P2RX5: variants seen among roughly 807,000 people sequenced by gnomAD.
P2RX5 encodes P2X purinoceptor 5.
Under a neutral mutation model 54.1 loss-of-function variants are expected in P2RX5, and 46 were observed. The observed-to-expected ratio is 0.85, with a 90% CI of 0.67 to 1.09. The LOEUF (loss-of-function observed/expected upper bound fraction) is 1.09. P2RX5 is among the 50% of genes least tolerant of loss of function. P2RX5 has a pLI of 0.00. For missense variants in P2RX5, 566 were observed against 549.8 expected, an observed-to-expected ratio of 1.03 and a Z score of -0.29; for synonymous variants, 226 against 226.4, an observed-to-expected ratio of 1.00 and a Z score of 0.02.
intron 11 of P2RX5, chr17:3,676,284 G>A (rs764801790): frequency 5.1e-6 from 5 of 985,380 alleles, no homozygotes; most frequent in Non-Finnish European, 4.8e-6. Context: ...TTTTGACAGG[G>A]GAGACTGGGT....
the P2RX5 span, among the ~76,000 whole-genome samples, chr17:3,705,569 T>C: frequency 1.3e-5 from 2 of 152,122 alleles, no homozygotes. Flanking sequence ...AGAGAATTCA[T>C]TGCTTTCTCC....
intron 10 of P2RX5, among the ~76,000 whole-genome samples, chr17:3,680,154 ATCCGGTG>A (rs2050212127): frequency 2.0e-5 from 2 of 101,520 alleles, no homozygotes; most frequent in African/African-American, 8.1e-5. Context: ...TGAGTCCTCC[ATCCGGTG>A]TCCTCCACCC....
chr17:3,674,189 T>C (rs2050046951), intron 11 of P2RX5, among the ~76,000 whole-genome samples: 1 of 152,074 alleles, frequency 6.6e-6, no homozygotes, highest in Non-Finnish European at 1.5e-5. Context: ...CGAGCGCCTG[T>C]AGTCCCAGCT....
intron 1 of P2RX5, among the ~76,000 whole-genome samples, chr17:3,692,823 G>C (rs2050654789): frequency 6.6e-6 from 1 of 152,044 alleles, no homozygotes; most frequent in South Asian, 2.1e-4. Flanking sequence ...GTGAGACCCA[G>C]CCTCAAAAAC....
chr17:3,715,532 G>A, the P2RX5 span, among the ~76,000 whole-genome samples: 1 of 152,098 alleles, frequency 6.6e-6, no homozygotes, highest in African/African-American at 2.4e-5. Flanking sequence ...GCAGAGGCAC[G>A]AACCTATTTA....
intron 11 of P2RX5, 62 bp from the exon 12 acceptor site, chr17:3,673,939 C>T (rs918061082): frequency 1.4e-6 from 2 of 1,441,200 alleles, no homozygotes; most frequent in Non-Finnish European, 1.9e-6. Context: ...CCCAGTGAGG[C>T]AACCAGTGCC....
At chr17:3,719,234 T>TAAAAAAAAAAAA in the P2RX5 span, among the ~76,000 whole-genome samples, 66 of 34,598 alleles carry the variant, frequency 1.9e-3, 2 homozygotes, top group African/African-American at 7.7e-3. Flanking sequence ...AGATTCTTCC[T>TAAAAAAAAAAAA]CAAAAAAAAA....
At chr17:3,675,762 A>G (rs985429096) in intron 11 of P2RX5, 80 of 750,222 alleles carry the variant, frequency 1.1e-4, no homozygotes, top group Non-Finnish European at 1.3e-4. Flanking sequence ...CATATTGGCC[A>G]GGCTGGTCTC....
chr17:3,723,234 C>T, the P2RX5 span: 34 of 1,159,864 alleles, frequency 2.9e-5, no homozygotes, highest in African/African-American at 4.4e-4. Flanking sequence ...CTTCTAGGGG[C>T]GATGCCCGTG....
the P2RX5 span, chr17:3,714,929 TTAA>T: frequency 6.2e-7 from 1 of 1,602,694 alleles, no homozygotes; most frequent in Non-Finnish European, 8.5e-7. Flanking sequence ...ATATTTTCTT[TTAA>T]AAAAGCCACA....
chr17:3,705,616 G>A, the P2RX5 span, among the ~76,000 whole-genome samples: 1 of 152,114 alleles, frequency 6.6e-6, no homozygotes, highest in Non-Finnish European at 1.5e-5. Flanking sequence ...TGTCAAGCAG[G>A]AAAGGCCTTC....
chr17:3,680,056 A>G (rs2050202768), intron 10 of P2RX5, among the ~76,000 whole-genome samples: 1 of 146,418 alleles, frequency 6.8e-6, no homozygotes, highest in Admixed American at 6.8e-5. Flanking sequence ...TACATCCTCC[A>G]CCCTGCATCC....
chr17:3,707,919 T>G, the P2RX5 span, among the ~76,000 whole-genome samples: 70,997 of 151,566 alleles, frequency 0.47, 17,505 homozygotes, highest in East Asian at 0.65. Flanking sequence ...TTAGTCAGGC[T>G]TGGTGGCGGG....
At chr17:3,691,174 T>G in intron 2 of P2RX5, 147 bp from the exon 3 acceptor site, 1 of 674,584 alleles carries the variant, frequency 1.5e-6, no homozygotes, top group Non-Finnish European at 2.7e-6. Context: ...GCCCATCTGC[T>G]CATGGACCCC....
upstream of P2RX5, among the ~76,000 whole-genome samples, chr17:3,699,352 C>T (rs563110050): frequency 6.6e-6 from 1 of 151,860 alleles, no homozygotes; most frequent in Non-Finnish European, 1.5e-5. Context: ...GCCATTATTG[C>T]ACCACTGCAC....
intron 5 of P2RX5, 112 bp from the exon 6 acceptor site, chr17:3,690,262 G>A (rs1368777274): frequency 8.2e-7 from 1 of 1,225,860 alleles, no homozygotes; most frequent in African/African-American, 1.5e-5. Flanking sequence ...CTCTGCCCAG[G>A]ACAGTTAATT....
chr17:3,714,263 C>T, the P2RX5 span, among the ~76,000 whole-genome samples: 2 of 147,624 alleles, frequency 1.4e-5, no homozygotes, highest in South Asian at 4.3e-4. Context: ...GAGTCTCACT[C>T]TGTTGCTAGG....
chr17:3,719,561 T>C, the P2RX5 span, among the ~76,000 whole-genome samples: 5 of 152,326 alleles, frequency 3.3e-5, no homozygotes, highest in Middle Eastern at 6.8e-3. Context: ...CTTCTAGTCA[T>C]ACTTTTGCAA....
chr17:3,694,300 T>G (rs567005156), intron 1 of P2RX5, among the ~76,000 whole-genome samples: 86 of 150,384 alleles, frequency 5.7e-4, no homozygotes, highest in African/African-American at 2.1e-3. Flanking sequence ...GGCAAATCCA[T>G]AGAGACAGAT....
Sources: allele counts gnomAD v4.1 joint callset (sites outside exome capture counted in the v4.1 genomes callset), GRCh38; gene constraint gnomAD v4.1.1; transcripts MANE v1.5; gene names NCBI Gene and HGNC (gene_info 2026-07-23, HGNC 2026-07-21).